The following STXBP4 variants were observed in gnomAD, a reference collection of about 807,000 sequenced individuals.
The protein encoded by STXBP4 is syntaxin binding protein 4.
In STXBP4, 55 loss-of-function variants were observed where a neutral mutation model predicts 76.1. The ratio of observed to expected loss-of-function variants is 0.72; its 90% CI spans 0.58 to 0.91. The LOEUF (loss-of-function observed/expected upper bound fraction) is 0.91. STXBP4 is among the 40% of genes least tolerant of loss of function. The pLI is 0.00. For synonymous variants in STXBP4, 201 were observed against 220.2 expected (o/e 0.91, Z 0.77); for missense variants, 618 against 636.9 (o/e 0.97, Z 0.32).
chr17:55,205,543 GCACA>G, the STXBP4 span, among the ~76,000 whole-genome samples: 1 of 148,472 alleles, frequency 6.7e-6, no homozygotes, highest in Non-Finnish European at 1.5e-5. Flanking sequence ...GCAGACAAAT[GCACA>G]CACACACACA....
At chr17:55,057,370 T>A (rs1050417479) in intron 12 of STXBP4, among the ~76,000 whole-genome samples, 1 of 152,248 alleles carries the variant, frequency 6.6e-6, no homozygotes, top group African/African-American at 2.4e-5. Context: ...TGACTCAATT[T>A]ACGTGCGTAT....
chr17:55,065,750 T>C (rs2144841255), intron 12 of STXBP4, among the ~76,000 whole-genome samples: 1 of 152,312 alleles, frequency 6.6e-6, no homozygotes, highest in South Asian at 2.1e-4. Flanking sequence ...ATTTATCAAT[T>C]AGATGTATTT....
chr17:55,101,841 T>C (rs1381856638), intron 16 of STXBP4, among the ~76,000 whole-genome samples: 1 of 152,206 alleles, frequency 6.6e-6, no homozygotes, highest in Non-Finnish European at 1.5e-5. Flanking sequence ...GTATATAGTT[T>C]TGTTTGAGAC....
At chr17:55,043,770 AG>A (rs2078743862) in intron 11 of STXBP4, 1 of 923,344 alleles carries the variant, frequency 1.1e-6, no homozygotes. Context: ...TATTTTAGAG[AG>A]GAAAAAAACA....
chr17:54,999,897 C>T, intron 6 of STXBP4, 55 bp downstream of exon 6: 3 of 1,133,514 alleles, frequency 2.6e-6, no homozygotes, highest in Admixed American at 2.2e-5. Flanking sequence ...ATTCCCTATA[C>T]ATTTTTACAT....
chr17:55,146,903 C>T (rs889481352), intron 17 of STXBP4, among the ~76,000 whole-genome samples: 1 of 152,108 alleles, frequency 6.6e-6, no homozygotes, highest in Admixed American at 6.6e-5. Context: ...GGGAGAAAGA[C>T]AAAAGCTACA....
chr17:54,981,321 G>A (rs61649988), intron 1 of STXBP4, among the ~76,000 whole-genome samples: 3,127 of 150,912 alleles, frequency 0.021, 70 homozygotes, highest in East Asian at 0.13. Context: ...AGAGATGATC[G>A]GCCTTACTAG....
At chr17:55,119,605 C>A (rs887758299) in intron 16 of STXBP4, among the ~76,000 whole-genome samples, 8 of 151,922 alleles carry the variant, frequency 5.3e-5, no homozygotes, top group Non-Finnish European at 8.8e-5. Context: ...AAAGACAAGA[C>A]TTTGACCTAA....
intron 13 of STXBP4, 124 bp downstream of exon 13, chr17:55,073,200 G>A: frequency 1.2e-6 from 1 of 857,556 alleles, no homozygotes; most frequent in Non-Finnish European, 1.8e-6. Flanking sequence ...ATTATTCAAT[G>A]ATAGGATGCT....
chr17:54,994,995 TG>T (rs1655687738), intron 4 of STXBP4, among the ~76,000 whole-genome samples: 1 of 152,128 alleles, frequency 6.6e-6, no homozygotes, highest in African/African-American at 2.4e-5. Flanking sequence ...TCCTTTCCTT[TG>T]TGTCACCTAC....
intron 16 of STXBP4, among the ~76,000 whole-genome samples, chr17:55,134,467 G>C (rs1018458884): frequency 3.3e-5 from 5 of 152,046 alleles, no homozygotes; most frequent in Non-Finnish European, 7.4e-5. Context: ...ATTTTCATTT[G>C]ATTTGTGACA....
intron 16 of STXBP4, among the ~76,000 whole-genome samples, chr17:55,097,820 T>C (rs1297481634): frequency 6.6e-6 from 1 of 152,226 alleles, no homozygotes; most frequent in African/African-American, 2.4e-5. Context: ...ATGCCAACTC[T>C]ATGGCATAAT....
chr17:55,021,829 A>T (rs189253512), intron 8 of STXBP4, among the ~76,000 whole-genome samples: 1 of 152,342 alleles, frequency 6.6e-6, no homozygotes, highest in Non-Finnish European at 1.5e-5. Flanking sequence ...TTAAAAATTT[A>T]TCAAACGAAA....
In STXBP4 at chr17:55,168,500, T is replaced by A. The variant is rs527838321; in HGVS notation, c.*8589T>A. 2 of 152,292 alleles carry A rather than the reference T, an allele frequency of 1.3e-5. No individual in the cohort carries two copies. Among genetic ancestry groups the A allele is most frequent in the East Asian group, 3.9e-4 (2 of 5,182 alleles). The allele number at this position is 152,292 out of a possible 1,614,324, so 9.4% of individuals were successfully genotyped here. ...ATCAGTTATAAGACCCATCATTATTTTGTGTGTAACTGAAAATGAAAAAAA... is the reference window on the plus strand; with the variant it reads ...ATCAGTTATAAGACCCATCATTATTATGTGTGTAACTGAAAATGAAAAAAA... On this transcript the variant is annotated 3_prime_UTR_variant, in exon 18 of 18. Transcript: ENST00000376352.
intron 16 of STXBP4, among the ~76,000 whole-genome samples, chr17:55,116,194 G>T (rs2079778616): frequency 6.6e-6 from 1 of 151,762 alleles, no homozygotes; most frequent in Non-Finnish European, 1.5e-5. Context: ...AGACCTGATA[G>T]ATGTACTCAA....
intron 16 of STXBP4, among the ~76,000 whole-genome samples, chr17:55,130,110 G>A (rs1478386276): frequency 2.0e-5 from 3 of 152,126 alleles, no homozygotes; most frequent in Non-Finnish European, 4.4e-5. Flanking sequence ...CAAAAAAACA[G>A]GGACCTCTAC....
chr17:55,059,244 T>C (rs1379863532), intron 12 of STXBP4, among the ~76,000 whole-genome samples: 1 of 152,176 alleles, frequency 6.6e-6, no homozygotes, highest in Non-Finnish European at 1.5e-5. Context: ...TTGCATAAAA[T>C]ATTCAGATAA....
At chr17:55,090,117 G>C (rs1044571270) in intron 16 of STXBP4, among the ~76,000 whole-genome samples, 1 of 152,058 alleles carries the variant, frequency 6.6e-6, no homozygotes, top group Non-Finnish European at 1.5e-5. Flanking sequence ...ATTTGAAGGA[G>C]TAATGAATAA....
At chr17:55,057,903 C>T (rs568727511) in intron 12 of STXBP4, among the ~76,000 whole-genome samples, 2 of 152,294 alleles carry the variant, frequency 1.3e-5, no homozygotes, top group South Asian at 4.1e-4. Flanking sequence ...TTTATGGCTG[C>T]ATAGAATTCC....
Sources: gnomAD v4.1 joint callset for allele counts (sites outside exome capture counted in the v4.1 genomes callset) on GRCh38, gnomAD v4.1.1 for gene constraint, MANE v1.5 for transcripts, NCBI Gene and HGNC (gene_info 2026-07-23, HGNC 2026-07-21) for gene names.